Variants in TAP2 observed in about 807,000 individuals in gnomAD.
The protein encoded by TAP2 is antigen peptide transporter 2.
TAP2 carries 49 observed loss-of-function variants against 74.7 expected under a neutral mutation model. The ratio of observed to expected loss-of-function variants is 0.66; its 90% CI spans 0.52 to 0.83. The LOEUF (loss-of-function observed/expected upper bound fraction) is 0.83. Among genes scored for constraint, TAP2 ranks in the 40% least tolerant of loss-of-function variants. TAP2 has a pLI of 0.00. For missense variants in TAP2, 739 were observed against 859.0 expected (o/e 0.86, Z 1.75); for synonymous variants, 306 against 368.4 (o/e 0.83, Z 1.94).
chr6:32,830,786 C>A lies in TAP2; in HGVS notation c.1293G>T (p.Gly431=). 1 of 1,611,826 alleles carries A rather than the reference C, an allele frequency of 6.2e-7. No homozygotes were observed. Among genetic ancestry groups the A allele is most frequent in the Non-Finnish European group, 8.5e-7 (1 of 1,179,488 alleles). ...SYVQTLVYIY[G]DMLSNVGAAE... ...CAGCTCCCACGTTGCTGAGCATATCCCCATATATGTATACCAGGGTCTGGA... is the reference window on the plus strand; with the variant it reads ...CAGCTCCCACGTTGCTGAGCATATCACCATATATGTATACCAGGGTCTGGA... Residue 431 remains glycine, a synonymous_variant, in exon 8 of 12, where the codon GGG becomes GGT. Coordinates refer to ENST00000374897, the MANE Select transcript of TAP2 (RefSeq NM_001290043.2).
chr6:32,832,587 C>G lies in TAP2; in HGVS notation c.1143+40G>C. The G allele has an allele frequency of 1.2e-6, 2 of 1,613,022 alleles. No individual in the cohort carries two copies. Among genetic ancestry groups the G allele is most frequent in the Non-Finnish European group, 1.7e-6 (2 of 1,179,982 alleles). ...TAGTTTCCTCTTCCCTTGCCCTCCC[C>G]CTTTCCTGGGCTCCTTTCACAACCA... On this transcript the variant is annotated intron_variant, in intron 6 of 11. Transcript: ENST00000374897. This position sits in a 1 kb window ranked among gnomAD's most constrained non-coding sequence, Gnocchi z 5.9.
In TAP2 at chr6:32,826,342, T is replaced by G. The variant is rs6905503; in HGVS notation, c.*2564A>C. On this transcript the variant is annotated 3_prime_UTR_variant, in exon 12 of 12. Transcript: ENST00000374897. ...GTTTCCCAAGCTTTCCCCTCTCCAT[T>G]CATACTTTCCTTTAGAAAGAATAAG... The G allele has an allele frequency of 0.029, 28,782 of 985,280 alleles. 1,119 individuals carry two copies. Among genetic ancestry groups the G allele is most frequent in the African/African-American group, 0.18 (10,239 of 57,254 alleles). The allele number at this position is 985,280 out of a possible 1,614,324, so 61.0% of individuals were successfully genotyped here.
At position 32,835,427 on chromosome 6, in the gene TAP2, C is replaced by T. The variant is rs1769353104; in HGVS notation, c.740-68G>A. 6.4e-7 allele frequency: 1 copy of T among 1,551,966 alleles called. No individual in the cohort carries two copies. The highest frequency in any genetic ancestry group is 8.9e-7 in the Non-Finnish European group (1 of 1,129,374). On this transcript the variant is annotated intron_variant, in intron 4 of 11. Coordinates refer to ENST00000374897, the MANE Select transcript of TAP2 (RefSeq NM_001290043.2). The surrounding 1 kb of genome is among the most constrained non-coding windows in gnomAD (Gnocchi z 4.0). Reference sequence around the variant, plus strand: ...ACTGCAGGGCCCCCAGAAACTCCCTCCTGACCGTTCCCTCTGACACAGCCC... The same window carrying T: ...ACTGCAGGGCCCCCAGAAACTCCCTTCTGACCGTTCCCTCTGACACAGCCC...
Position 32,825,982 on chromosome 6 carries a change from AG to A in TAP2, c.*2923del. The A allele has an allele frequency of 1.0e-6, 1 of 975,934 alleles. No individual in the cohort carries two copies. Among genetic ancestry groups the A allele is most frequent in the Non-Finnish European group, 1.2e-6 (1 of 822,944 alleles). The allele number at this position is 975,934 out of a possible 1,614,324, so 60.5% of individuals were successfully genotyped here. On this transcript the variant is annotated 3_prime_UTR_variant, in exon 12 of 12. Coordinates refer to ENST00000374897, the MANE Select transcript of TAP2 (RefSeq NM_001290043.2). ...ACATAGTAAGCACCAGTGAATGCTT[AG>A]TAGTAGTAGTAGTCTAATTCCTAAG... is the stretch of plus-strand genomic sequence containing the variant.
At position 32,837,576 on chromosome 6, in the gene TAP2, G is replaced by A; in HGVS notation, c.569C>T (p.Ala190Val). The A allele has an allele frequency of 6.2e-7, 1 of 1,614,076 alleles. No homozygotes were observed. Among genetic ancestry groups the A allele is most frequent in the East Asian group, 2.2e-5 (1 of 44,882 alleles). Residue 190 changes from alanine to valine, a missense_variant, in exon 3 of 12, where the codon GCC (alanine) becomes GTC (valine). Transcript: ENST00000374897. Reference sequence around the variant, plus strand: ...GAGGCACATGAAGAAGATGGCACTGGCAAAGGCATGGGGGTCAAAATCACC... The same window carrying A: ...GAGGCACATGAAGAAGATGGCACTGACAAAGGCATGGGGGTCAAAATCACC... ...LGGDFDPHAF[A>V]SAIFFMCLFS...
intron 7 of TAP2, among the ~76,000 whole-genome samples, chr6:32,831,681 A>T (rs1271188504): frequency 2.6e-5 from 4 of 152,150 alleles, no homozygotes; most frequent in Admixed American, 1.3e-4. Context: ...AGGACAAACA[A>T]CCTATTTCTT....
Position 32,832,471 on chromosome 6 carries a change from G to A in TAP2, c.1144-10C>T, listed in dbSNP as rs771201301. On this transcript the variant is annotated splice_polypyrimidine_tract_variant and intron_variant, in intron 6 of 11. Coordinates refer to ENST00000374897, the MANE Select transcript of TAP2 (RefSeq NM_001290043.2). This position sits in a 1 kb window ranked among gnomAD's most constrained non-coding sequence, Gnocchi z 5.9. ...CCCCCAAGTGCAGCACCTGGAAGAG[G>A]AGAAGAAAGAGATGAGGCTGGGAAT... 3 of 1,611,460 alleles carry A rather than the reference G, an allele frequency of 1.9e-6. No individual in the cohort carries two copies. The highest frequency in any genetic ancestry group is 2.5e-6 in the Non-Finnish European group (3 of 1,179,628).
downstream of TAP2, among the ~76,000 whole-genome samples, chr6:32,823,429 ATTT>A (rs9280195): frequency 1.4e-3 from 90 of 64,550 alleles, 1 homozygote; most frequent in South Asian, 0.021. Flanking sequence ...GTCACACTCA[ATTT>A]TTTTTTTTTT....
At position 32,837,951 on chromosome 6, in the gene TAP2, C is replaced by A. The variant is rs1037701053; in HGVS notation, c.283G>T (p.Ala95Ser). 1 of 1,612,618 alleles carries A rather than the reference C, an allele frequency of 6.2e-7. No homozygotes were observed. Among genetic ancestry groups the A allele is most frequent in the African/African-American group, 1.3e-5 (1 of 74,820 alleles). The change falls in exon 2 of 12, where the codon GCT becomes TCT. Residue 95 changes from alanine to serine, a missense_variant. By Grantham distance (99) the Ala-to-Ser change is moderately conservative. Transcript: ENST00000374897. The part of the protein sequence containing the change: ...GASRAPPARV[A>S]SAPWSWLLVG... ...AGCAGCCAGCTCCAAGGGGCTGAAG[C>A]GACTCTGGCTGGGGGAGCACGTGAG...
rs775855210 is a variant in TAP2 at position 32,829,924 on chromosome 6, A to G, written c.1795+6T>C. ...AAGGAGCAAGCTTACAATTTGTAGAAGATACCTGTGTATATTCCATGCTCC... is the reference window on the plus strand; with the variant it reads ...AAGGAGCAAGCTTACAATTTGTAGAGGATACCTGTGTATATTCCATGCTCC... On this transcript the variant is annotated splice_donor_region_variant and intron_variant, in intron 10 of 11. Coordinates refer to ENST00000374897, the MANE Select transcript of TAP2 (RefSeq NM_001290043.2). The G allele has an allele frequency of 6.2e-7, 1 of 1,613,106 alleles. No homozygotes were observed. The highest frequency in any genetic ancestry group is 8.5e-7 in the Non-Finnish European group (1 of 1,180,014).
In TAP2 at chr6:32,828,697, C is replaced by T. The variant is rs1768820762; in HGVS notation, c.*209G>A. The T allele has an allele frequency of 9.9e-7, 1 of 1,011,154 alleles. No individual in the cohort carries two copies. The highest frequency in any genetic ancestry group is 1.2e-6 in the Non-Finnish European group (1 of 840,766). The allele number at this position is 1,011,154 out of a possible 1,614,324, so 62.6% of individuals were successfully genotyped here. ...ACAGCCCCCACCCCACCCCACCCCA[C>T]CTCTCTACCCCACCAAAAGCACACA... On this transcript the variant is annotated 3_prime_UTR_variant, in exon 12 of 12. Transcript: ENST00000374897.
rs753379831 is a variant in TAP2 at position 32,835,780 on chromosome 6, G to A, written c.609-7C>T. ...GCAGCCTGCAGACAGTGAGCTGTGG[G>A]GTAGGAGAATAAGAGGGGAGGGAGA... is the stretch of plus-strand genomic sequence containing the variant. On this transcript the variant is annotated splice_polypyrimidine_tract_variant and splice_region_variant and intron_variant, in intron 3 of 11. Transcript: ENST00000374897. This position sits in a 1 kb window ranked among gnomAD's most constrained non-coding sequence, Gnocchi z 4.0. 3 of 1,613,152 alleles carry A rather than the reference G, an allele frequency of 1.9e-6. No homozygotes were observed. The South Asian group carries it at 3.3e-5, about 18-fold the overall frequency.
chr6:32,827,431 T>C lies in TAP2; in HGVS notation c.*1475A>G, dbSNP rs1768728156. 8 of 791,906 alleles carry C rather than the reference T, an allele frequency of 1.0e-5. No homozygotes were observed. The highest frequency in any genetic ancestry group is 1.9e-5 in the African/African-American group (1 of 53,138). 49.1% of individuals were successfully genotyped at this position (791,906 alleles called of 1,614,324 possible). Reference sequence around the variant, plus strand: ...GATATATGGCTTTCCGCCCAGGTGCTCATGGTCTAGTGGAAGGTCAAAAAA... The same window carrying C: ...GATATATGGCTTTCCGCCCAGGTGCCCATGGTCTAGTGGAAGGTCAAAAAA... On this transcript the variant is annotated 3_prime_UTR_variant, in exon 12 of 12. Transcript: ENST00000374897.
At chr6:32,838,303 C>T (rs1339296957) in intron 1 of TAP2, 66 bp from the exon 2 acceptor site, 2 of 1,491,468 alleles carry the variant, frequency 1.3e-6, no homozygotes, top group Non-Finnish European at 1.8e-6. Flanking sequence ...TGCCCTCCTA[C>T]CCGCCCGGCT....
In TAP2 at chr6:32,826,340, A is replaced by G. The variant is rs1768647810; in HGVS notation, c.*2566T>C. On this transcript the variant is annotated 3_prime_UTR_variant, in exon 12 of 12. Transcript: ENST00000374897. ...CAGTTTCCCAAGCTTTCCCCTCTCCATTCATACTTTCCTTTAGAAAGAATA... is the reference window on the plus strand; with the variant it reads ...CAGTTTCCCAAGCTTTCCCCTCTCCGTTCATACTTTCCTTTAGAAAGAATA... The G allele has an allele frequency of 1.0e-6, 1 of 985,274 alleles. No individual in the cohort carries two copies. The highest frequency in any genetic ancestry group is 6.2e-5 in the Admixed American group (1 of 16,252). 61.0% of individuals were successfully genotyped at this position (985,274 alleles called of 1,614,324 possible). A position where few individuals can be genotyped will look rare whatever the true frequency, so the allele number is the denominator to read the frequency against.
intron 7 of TAP2, among the ~76,000 whole-genome samples, chr6:32,831,797 A>T (rs1258918153): frequency 6.6e-6 from 1 of 152,242 alleles, no homozygotes; most frequent in Non-Finnish European, 1.5e-5. Context: ...GACTTAAAAG[A>T]TGTATCAACC....
Position 32,827,346 on chromosome 6 carries a change from CTATT to C in TAP2, c.*1556_*1559del, listed in dbSNP as rs948449453. 3 of 984,500 alleles carry C rather than the reference CTATT, an allele frequency of 3.0e-6. No homozygotes were observed. The highest frequency in any genetic ancestry group is 3.6e-6 in the Non-Finnish European group (3 of 829,236). The allele number at this position is 984,500 out of a possible 1,614,324, so 61.0% of individuals were successfully genotyped here. A position where few individuals can be genotyped will look rare whatever the true frequency, so the allele number is the denominator to read the frequency against. On this transcript the variant is annotated 3_prime_UTR_variant, in exon 12 of 12. Transcript: ENST00000374897. ...GATATTTATTCATTTATTCAATTGA[CTATT>C]TATTCTCCACTATGAATTAGGCCCT...
Position 32,837,961 on chromosome 6 carries a change from T to G in TAP2, c.273A>C (p.Pro91=), listed in dbSNP as rs754928206. Residue 91 remains proline, a synonymous_variant, in exon 2 of 12, where the codon CCA becomes CCC. Transcript: ENST00000374897. The stretch of plus-strand genomic sequence containing the variant: ...TCCAAGGGGCTGAAGCGACTCTGGC[T>G]GGGGGAGCACGTGAGGCCCCCGCGA... ...ALVAGASRAP[P]ARVASAPWSW... 4 of 1,612,688 alleles carry G rather than the reference T, an allele frequency of 2.5e-6. No individual in the cohort carries two copies. In the South Asian group the frequency reaches 4.4e-5, roughly 18 times the overall value.
intron 3 of TAP2, among the ~76,000 whole-genome samples, chr6:32,837,153 T>G (rs1417014237): frequency 6.6e-6 from 1 of 152,168 alleles, no homozygotes; most frequent in African/African-American, 2.4e-5. Context: ...ATACCCATCC[T>G]GAGGGAGTGA....
Sources: gnomAD v4.1 joint callset for allele counts (sites outside exome capture counted in the v4.1 genomes callset) on GRCh38, gnomAD v4.1.1 for gene constraint, Gnocchi (gnomAD v3.1) non-coding constraint, MANE v1.5 for transcripts, NCBI Gene and HGNC (gene_info 2026-07-23, HGNC 2026-07-21) for gene names.